The following KIAA1217 variants were observed in gnomAD, a reference collection of about 807,000 sequenced individuals.
KIAA1217 encodes the protein sickle tail protein homolog.
A neutral mutation model predicts 163.9 loss-of-function variants in KIAA1217; 88 were observed. The observed-to-expected ratio is 0.54, with a 90% confidence interval of 0.45 to 0.64. The LOEUF is 0.64. KIAA1217 is among the 30% of genes least tolerant of loss of function. The pLI, the probability that KIAA1217 is intolerant of heterozygous loss-of-function variation, is 0.00. For synonymous variants in KIAA1217, 903 were observed against 923.1 expected (o/e 0.98, Z 0.39); for missense variants, 2,372 against 2,475.0 (o/e 0.96, Z 0.88).
chr10:23,861,067 C>T (rs1039815335), intron 1 of KIAA1217, among the ~76,000 whole-genome samples: 6 of 151,932 alleles, frequency 3.9e-5, no homozygotes, highest in East Asian at 1.9e-4. Flanking sequence ...CACACACCAC[C>T]GTGACTGGCT....
At chr10:23,859,879 A>G (rs1444742855) in intron 1 of KIAA1217, among the ~76,000 whole-genome samples, 1 of 152,086 alleles carries the variant, frequency 6.6e-6, no homozygotes, top group Non-Finnish European at 1.5e-5. Flanking sequence ...AGCCAATACA[A>G]AAAACAATTA....
Position 24,542,886 on chromosome 10 carries a change from A to G in KIAA1217, c.3616A>G (p.Thr1206Ala). 1.2e-6 allele frequency: 2 copies of G among 1,610,124 alleles called. No individual in the cohort carries two copies. The highest frequency in any genetic ancestry group is 1.7e-6 in the Non-Finnish European group (2 of 1,177,788). ...NGPQMEFQKV[T>A]TGAVRPSDPP... The stretch of plus-strand genomic sequence containing the variant: ...CCTCCTCCGTTCTCCCTCTCAGGTT[A>G]CCACAGGGGCTGTAAGACCTAGTGA... Residue 1206 changes from threonine (T) to alanine (A), a missense_variant, in exon 19 of 21, where the codon ACC (threonine) becomes GCC (alanine). Around this residue, in one of 3 missense-constraint regions of KIAA1217, gnomAD observed 251 missense variants for 327.3 expected, o/e 0.77. Transcript: ENST00000376454.
At chr10:24,158,915 T>C (rs948734564) in intron 2 of KIAA1217, 1 of 194,044 alleles carries the variant, frequency 5.2e-6, no homozygotes, top group Non-Finnish European at 1.1e-5. Context: ...GGAAGAAGCC[T>C]TTTTCATTAA....
chr10:24,486,041 A>G (rs1454906479), intron 6 of KIAA1217, among the ~76,000 whole-genome samples: 1 of 152,210 alleles, frequency 6.6e-6, no homozygotes, highest in Non-Finnish European at 1.5e-5. Context: ...ACCCAGACCC[A>G]GAGAACAGTA....
At chr10:23,734,089 T>C (rs1838643964) in intron 1 of KIAA1217, among the ~76,000 whole-genome samples, 1 of 152,112 alleles carries the variant, frequency 6.6e-6, no homozygotes, top group Non-Finnish European at 1.5e-5. Context: ...ATTATTATAA[T>C]GCCAACTTCA....
chr10:24,477,384 G>A (rs958342898), intron 6 of KIAA1217, among the ~76,000 whole-genome samples: 14 of 152,110 alleles, frequency 9.2e-5, no homozygotes, highest in Non-Finnish European at 1.8e-4. Flanking sequence ...TAACTTGCCC[G>A]AGGCCACAAA....
intron 2 of KIAA1217, among the ~76,000 whole-genome samples, chr10:24,054,506 A>G (rs1452611954): frequency 1.3e-5 from 2 of 152,214 alleles, no homozygotes; most frequent in Non-Finnish European, 2.9e-5. Context: ...GAATGAAAGT[A>G]TTAAGCCTTG....
At chr10:24,158,110 A>G (rs1442123813) in intron 2 of KIAA1217, 3 of 754,652 alleles carry the variant, frequency 4.0e-6, no homozygotes, top group African/African-American at 3.4e-5. Flanking sequence ...TTAGAAGTAT[A>G]TATGATGACA....
rs1838215207 is a variant in KIAA1217 at position 23,727,261 on chromosome 10, C to G, written c.-321+32027C>G. ...CCCTCTCGGCCTCCCAGGCATCTTT[C>G]TAAAAATAAAATTGTTAAACCAGGC... On this transcript the variant is annotated intron_variant, in intron 1 of 18. Transcript: ENST00000376462. 2.6e-5 allele frequency among the ~76,000 whole-genome samples: 4 copies of G among 151,956 alleles called. No homozygotes were observed. In the South Asian group the frequency reaches 8.3e-4, roughly 32 times the overall value.
intron 2 of KIAA1217, among the ~76,000 whole-genome samples, chr10:24,068,906 C>A (rs1002390212): frequency 2.6e-5 from 4 of 152,202 alleles, no homozygotes; most frequent in African/African-American, 9.7e-5. Flanking sequence ...CTAGTTTCAA[C>A]CATCTCCTTT....
chr10:24,394,124 G>A (rs930970828), intron 3 of KIAA1217, among the ~76,000 whole-genome samples: 3 of 152,140 alleles, frequency 2.0e-5, no homozygotes, highest in East Asian at 1.9e-4. Context: ...CCATTTGCAC[G>A]GCTACTTTTC....
chr10:23,717,513 A>G (rs1336871986), intron 1 of KIAA1217, among the ~76,000 whole-genome samples: 1 of 152,152 alleles, frequency 6.6e-6, no homozygotes, highest in African/African-American at 2.4e-5. Flanking sequence ...TCACCCCAAC[A>G]TGGAATATAC....
intron 1 of KIAA1217, among the ~76,000 whole-genome samples, chr10:23,896,319 CT>C: frequency 6.6e-6 from 1 of 152,050 alleles, no homozygotes; most frequent in East Asian, 1.9e-4. Flanking sequence ...GTAAAAAGCA[CT>C]TCTGCATGAA....
chr10:24,453,207 C>G (rs1240514127), intron 5 of KIAA1217, among the ~76,000 whole-genome samples: 1 of 152,182 alleles, frequency 6.6e-6, no homozygotes, highest in African/African-American at 2.4e-5. Context: ...TGTTCTCACC[C>G]CTCTGGATCT....
chr10:24,004,950 G>C (rs1272987580), intron 1 of KIAA1217, among the ~76,000 whole-genome samples: 1 of 152,204 alleles, frequency 6.6e-6, no homozygotes, highest in African/African-American at 2.4e-5. Context: ...AAGTGGGAAG[G>C]TTCGACAACA....
Position 23,810,034 on chromosome 10 carries a change from G to T in KIAA1217, c.-321+114800G>T, listed in dbSNP as rs76795644. On this transcript the variant is annotated intron_variant, in intron 1 of 18. Coordinates refer to the KIAA1217 transcript ENST00000376462. ...TTATAAAATCAGCTTTATGTTAGAT[G>T]ATTTTCCCAACCGTAGGCCAATGTA... Among the ~76,000 whole-genome samples, 1,051 of 152,000 alleles carry T rather than the reference G, an allele frequency of 6.9e-3. 15 individuals carry two copies. The highest frequency in any genetic ancestry group is 0.024 in the African/African-American group (1,015 of 41,486).
At chr10:23,911,174 A>G (rs1023889734) in intron 1 of KIAA1217, among the ~76,000 whole-genome samples, 3 of 152,290 alleles carry the variant, frequency 2.0e-5, no homozygotes, top group South Asian at 4.1e-4. Flanking sequence ...GCCCCAGACC[A>G]TGTCTCTGCT....
chr10:24,104,735 A>C (rs2062554801), intron 2 of KIAA1217, among the ~76,000 whole-genome samples: 2 of 152,234 alleles, frequency 1.3e-5, no homozygotes, highest in Admixed American at 1.3e-4. Flanking sequence ...TGACAGTAGA[A>C]GAGGCTGTGC....
intron 2 of KIAA1217, among the ~76,000 whole-genome samples, chr10:24,017,151 CA>C (rs1050977953): frequency 6.6e-6 from 1 of 151,024 alleles, no homozygotes; most frequent in African/African-American, 2.4e-5. Flanking sequence ...CTCAGGGGCT[CA>C]AGTGAACCTC....
Sources: allele counts gnomAD v4.1 joint callset (sites outside exome capture counted in the v4.1 genomes callset), GRCh38; gene constraint gnomAD v4.1.1; regional missense constraint gnomAD v4.1.1; transcripts MANE v1.5; gene names NCBI Gene and HGNC (gene_info 2026-07-23, HGNC 2026-07-21).